Variants in ZMAT4 observed in about 807,000 individuals in gnomAD.
ZMAT4 encodes zinc finger matrin-type protein 4.
Under a neutral mutation model 28.7 loss-of-function variants are expected in ZMAT4, and 17 were observed. The ratio of observed to expected loss-of-function variants is 0.59; its 90% CI spans 0.41 to 0.89. ZMAT4 has a LOEUF of 0.89. Among genes scored for constraint, ZMAT4 ranks in the 40% least tolerant of loss-of-function variants. ZMAT4 has a pLI of 0.00. For missense variants in ZMAT4, 240 were observed against 283.8 expected, an observed-to-expected ratio of 0.85 and a Z score of 1.11; for synonymous variants, 117 against 109.2, an observed-to-expected ratio of 1.07 and a Z score of -0.44.
intron 1 of ZMAT4, among the ~76,000 whole-genome samples, chr8:40,881,581 A>G (rs914894910): frequency 9.2e-6 from 1 of 108,244 alleles, no homozygotes; most frequent in East Asian, 3.0e-4. Context: ...AAAGAAAGAA[A>G]GAAAGAAAGA....
intron 1 of ZMAT4, among the ~76,000 whole-genome samples, chr8:40,850,353 C>CA (rs2150634720): frequency 6.6e-6 from 1 of 152,256 alleles, no homozygotes; most frequent in South Asian, 2.1e-4. Flanking sequence ...GACTGTGGAG[C>CA]AAGCACAGAT....
chr8:40,792,529 A>AAGGG (rs1554557915), intron 2 of ZMAT4, among the ~76,000 whole-genome samples: 5 of 13,992 alleles, frequency 3.6e-4, no homozygotes, highest in African/African-American at 1.8e-3. Context: ...GGAAGGAAGG[A>AAGGG]AGGGACAGAG....
chr8:40,740,474 A>C (rs1430495468), intron 3 of ZMAT4, among the ~76,000 whole-genome samples: 1 of 152,242 alleles, frequency 6.6e-6, no homozygotes, highest in Non-Finnish European at 1.5e-5. Context: ...TAAAAGATAC[A>C]ATAACAATAT....
rs148890031 is a variant in ZMAT4 at position 40,819,618 on chromosome 8, C to A, written c.102+5957G>T. Among the ~76,000 whole-genome samples, 1,412 of 152,254 alleles carry A rather than the reference C, an allele frequency of 9.3e-3. 14 individuals are homozygous for A. The highest frequency in any genetic ancestry group is 0.048 in the Middle Eastern group (14 of 294). ...CACCTGCCCTCAGGAAGCTTGCAGT[C>A]CTCTTGGGAGGGACGAGGATGCCTA... On this transcript the variant is annotated intron_variant, in intron 2 of 6. Transcript: ENST00000297737.
intron 1 of ZMAT4, among the ~76,000 whole-genome samples, chr8:40,870,818 G>T (rs1472444675): frequency 6.6e-6 from 1 of 152,154 alleles, no homozygotes; most frequent in African/African-American, 2.4e-5. Context: ...GCAGAAATGG[G>T]TCTGCATTGA....
At chr8:40,780,112 C>G (rs1407626746) in intron 2 of ZMAT4, among the ~76,000 whole-genome samples, 1 of 152,142 alleles carries the variant, frequency 6.6e-6, no homozygotes, top group East Asian at 1.9e-4. Flanking sequence ...AAACTCAGTA[C>G]AGATGCTCCT....
chr8:40,857,462 C>T (rs972758747), intron 1 of ZMAT4, among the ~76,000 whole-genome samples: 5 of 151,924 alleles, frequency 3.3e-5, no homozygotes, highest in Admixed American at 6.6e-5. Context: ...ACATGAAGGA[C>T]CACAATGGAA....
intron 4 of ZMAT4, among the ~76,000 whole-genome samples, chr8:40,678,417 A>T (rs1249237808): frequency 8.5e-5 from 13 of 152,172 alleles, no homozygotes; most frequent in Admixed American, 8.5e-4. Flanking sequence ...ACATTAAGCT[A>T]TTATCCCACC....
At chr8:40,887,490 GA>G (rs35329610) in intron 1 of ZMAT4, among the ~76,000 whole-genome samples, 19,678 of 124,250 alleles carry the variant, frequency 0.16, 1,387 homozygotes, top group Non-Finnish European at 0.19. Flanking sequence ...CTTCATCTCA[GA>G]AAAAAAAAAA....
chr8:40,825,759 A>G (rs1816012675), intron 1 of ZMAT4, 79 bp from the exon 2 acceptor site: 1 of 1,158,404 alleles, frequency 8.6e-7, no homozygotes, highest in African/African-American at 1.5e-5. Flanking sequence ...ATGAAAAGCC[A>G]GGATCACAGT....
chr8:40,709,143 T>C (rs1411926625), intron 3 of ZMAT4, among the ~76,000 whole-genome samples: 2 of 152,216 alleles, frequency 1.3e-5, no homozygotes, highest in Non-Finnish European at 2.9e-5. Flanking sequence ...CTGTAGACTT[T>C]AAATCATCCC....
chr8:40,791,823 C>T (rs1325340528), intron 2 of ZMAT4, among the ~76,000 whole-genome samples: 2 of 152,188 alleles, frequency 1.3e-5, no homozygotes, highest in East Asian at 3.9e-4. Context: ...GACAAGGAAG[C>T]TATAGGAGGC....
chr8:40,808,424 C>T (rs1037306041), intron 2 of ZMAT4: 1 of 362,200 alleles, frequency 2.8e-6, no homozygotes. Context: ...CTTTTTATTA[C>T]AGGATATTTA....
intron 5 of ZMAT4, among the ~76,000 whole-genome samples, chr8:40,654,127 A>G (rs189058461): frequency 6.2e-4 from 94 of 152,338 alleles, no homozygotes; most frequent in African/African-American, 2.1e-3. Context: ...TGTGCTCAAC[A>G]TCTGCTAGTC....
chr8:40,826,768 C>A (rs1440749305), intron 1 of ZMAT4, among the ~76,000 whole-genome samples: 1 of 152,140 alleles, frequency 6.6e-6, no homozygotes, highest in Non-Finnish European at 1.5e-5. Context: ...TTCTCAAATT[C>A]CAAACCCGGA....
chr8:40,544,098 T>C (rs1282000490), intron 6 of ZMAT4, among the ~76,000 whole-genome samples: 1 of 152,114 alleles, frequency 6.6e-6, no homozygotes, highest in Admixed American at 6.6e-5. Flanking sequence ...ACTGAGTCTA[T>C]TTTCAACCTC....
chr8:40,631,233 C>A (rs540869794), intron 5 of ZMAT4, among the ~76,000 whole-genome samples: 1 of 152,080 alleles, frequency 6.6e-6, no homozygotes, highest in African/African-American at 2.4e-5. Context: ...AGTGCTGAGG[C>A]GAGATTTCGG....
At chr8:40,577,497 C>T (rs1804307231) in intron 6 of ZMAT4, among the ~76,000 whole-genome samples, 1 of 151,992 alleles carries the variant, frequency 6.6e-6, no homozygotes, top group South Asian at 2.1e-4. Context: ...AGAGTCAAAT[C>T]GTGGTTACTA....
rs188602130 is a variant in ZMAT4, at chr8:40,788,957, A to C, written c.103-21227T>G. ...TAATAGAATTTATCATACCTACAGAAAGAGAGAGAGGAAGGGAGGGAGGGA... is the reference window on the plus strand; with the variant it reads ...TAATAGAATTTATCATACCTACAGACAGAGAGAGAGGAAGGGAGGGAGGGA... On this transcript the variant is annotated intron_variant, in intron 2 of 6. Transcript: ENST00000297737. Among the ~76,000 whole-genome samples, 731 of 144,956 alleles carry C rather than the reference A, an allele frequency of 5.0e-3. 11 individuals are homozygous for C. The highest frequency in any genetic ancestry group is 0.017 in the African/African-American group (690 of 40,006).
Sources: gnomAD v4.1 joint callset for allele counts (sites outside exome capture counted in the v4.1 genomes callset) on GRCh38, gnomAD v4.1.1 for gene constraint, MANE v1.5 for transcripts, NCBI Gene and HGNC (gene_info 2026-07-23, HGNC 2026-07-21) for gene names.